EBF1: variants seen among roughly 807,000 people sequenced by gnomAD.
The protein encoded by EBF1 is EBF transcription factor 1.
Under a neutral mutation model 68.4 loss-of-function variants are expected in EBF1, and 10 were observed. The ratio of observed to expected loss-of-function variants is 0.15; its 90% confidence interval spans 0.09 to 0.25. The LOEUF is 0.25. Among genes scored for constraint, EBF1 ranks in the 10% least tolerant of loss-of-function variants. The pLI is 1.00. For missense variants in EBF1, 509 were observed against 794.4 expected (o/e 0.64, Z 4.32); for synonymous variants, 298 against 299.8 (o/e 0.99, Z 0.06).
chr5:158,987,855 T>G (rs886593051), intron 6 of EBF1, among the ~76,000 whole-genome samples: 7 of 152,316 alleles, frequency 4.6e-5, no homozygotes, highest in Middle Eastern at 3.4e-3. Flanking sequence ...CAAGGCTAGA[T>G]AGTAAAATAT....
At chr5:158,887,431 A>C (rs1699438322) in intron 6 of EBF1, among the ~76,000 whole-genome samples, 1 of 152,230 alleles carries the variant, frequency 6.6e-6, no homozygotes, top group Non-Finnish European at 1.5e-5. Flanking sequence ...CAGCCATTGT[A>C]GAAAACAACT....
intron 6 of EBF1, among the ~76,000 whole-genome samples, chr5:158,974,911 C>T (rs1183639892): frequency 1.3e-5 from 2 of 152,206 alleles, no homozygotes; most frequent in African/African-American, 2.4e-5. Context: ...ATGCACCTCT[C>T]TGTCCTGCCC....
At chr5:159,083,876 C>T (rs1780154437) in intron 5 of EBF1, among the ~76,000 whole-genome samples, 2 of 152,240 alleles carry the variant, frequency 1.3e-5, no homozygotes, top group Non-Finnish European at 2.9e-5. Flanking sequence ...GCTGGTGTTA[C>T]TTTATGCAGA....
chr5:158,735,083 G>T (rs956882715), intron 10 of EBF1, among the ~76,000 whole-genome samples: 33 of 152,170 alleles, frequency 2.2e-4, no homozygotes, highest in Admixed American at 2.2e-3. Flanking sequence ...TGCTCAAGAA[G>T]AGGGGGTGGC....
intron 6 of EBF1, among the ~76,000 whole-genome samples, chr5:158,951,512 A>T (rs912435709): frequency 6.6e-6 from 1 of 152,184 alleles, no homozygotes; most frequent in Non-Finnish European, 1.5e-5. Context: ...TAATTCCCCA[A>T]TCTCTGATAA....
intron 6 of EBF1, among the ~76,000 whole-genome samples, chr5:158,896,949 T>C (rs1316337273): frequency 6.6e-6 from 1 of 152,108 alleles, no homozygotes; most frequent in East Asian, 1.9e-4. Flanking sequence ...AGCTAAATAG[T>C]AATGGAGGTA....
At chr5:158,724,502 A>T (rs1219073188) in intron 11 of EBF1, among the ~76,000 whole-genome samples, 1 of 152,344 alleles carries the variant, frequency 6.6e-6, no homozygotes, top group African/African-American at 2.4e-5. Flanking sequence ...GCAGGTTTTG[A>T]ATTACTGATA....
chr5:159,007,775 A>AT lies in EBF1; in HGVS notation c.554+65620dup, dbSNP rs35070920. Among the ~76,000 whole-genome samples, 193 of 150,184 alleles carry AT rather than the reference A, an allele frequency of 1.3e-3. 1 individual carries two copies. Among genetic ancestry groups the AT allele is most frequent in the African/African-American group, 3.4e-3 (140 of 41,012 alleles). On this transcript the variant is annotated intron_variant, in intron 6 of 15. Coordinates refer to ENST00000313708, the MANE Select transcript of EBF1 (RefSeq NM_024007.5). ...CCCTCCACCAAAATGCACAGTTCCA[A>AT]TTTTTTTTTTCAAAAATAGGAGTTC... is the stretch of plus-strand genomic sequence containing the variant.
At chr5:158,978,871 C>T (rs1363401452) in intron 6 of EBF1, among the ~76,000 whole-genome samples, 1 of 150,694 alleles carries the variant, frequency 6.6e-6, no homozygotes, top group East Asian at 2.0e-4. Context: ...TGGGAAAGAA[C>T]AAGCACTAGG....
chr5:158,827,224 T>C (rs535654731), intron 7 of EBF1, among the ~76,000 whole-genome samples: 2 of 152,342 alleles, frequency 1.3e-5, no homozygotes, highest in South Asian at 4.1e-4. Flanking sequence ...AGTATCTTAA[T>C]GACCGTAAAG....
intron 9 of EBF1, among the ~76,000 whole-genome samples, chr5:158,792,110 C>T (rs1333088456): frequency 2.6e-5 from 4 of 152,190 alleles, no homozygotes; most frequent in Admixed American, 1.3e-4. Flanking sequence ...TTAAACATCA[C>T]ACATCAACCC....
intron 6 of EBF1, among the ~76,000 whole-genome samples, chr5:158,936,370 G>A (rs1209925398): frequency 6.6e-6 from 1 of 152,192 alleles, no homozygotes; most frequent in Non-Finnish European, 1.5e-5. Context: ...TGTGACTTCA[G>A]GTTCAGGTTT....
rs561249146 is a variant in EBF1 at position 158,995,799 on chromosome 5, A to G, written c.554+77597T>C. On this transcript the variant is annotated intron_variant, in intron 6 of 15. Transcript: ENST00000313708. The stretch of plus-strand genomic sequence containing the variant: ...TTCATATCACAGTGCACTCTGTGCT[A>G]CTCCACCTATGGGGAGGGTGGCCCT... Among the ~76,000 whole-genome samples the G allele has an allele frequency of 1.3e-5, 2 of 152,080 alleles. 1 individual carries two copies. Among genetic ancestry groups the G allele is most frequent in the Admixed American group, 1.3e-4 (2 of 15,268 alleles).
intron 6 of EBF1, among the ~76,000 whole-genome samples, chr5:158,901,189 C>T (rs1423295862): frequency 6.6e-6 from 1 of 152,196 alleles, no homozygotes; most frequent in African/African-American, 2.4e-5. Context: ...AATTCTTTCT[C>T]TCTCTCATAC....
chr5:158,975,456 A>G (rs956468874), intron 6 of EBF1, among the ~76,000 whole-genome samples: 1 of 152,208 alleles, frequency 6.6e-6, no homozygotes, highest in African/African-American at 2.4e-5. Context: ...GTGTCTTCAT[A>G]TATTTTCCAA....
At chr5:158,896,804 A>C (rs983428095) in intron 6 of EBF1, among the ~76,000 whole-genome samples, 8 of 152,204 alleles carry the variant, frequency 5.3e-5, no homozygotes, top group Non-Finnish European at 1.2e-4. Context: ...AAATACCCAA[A>C]GAATTTCCAC....
chr5:158,885,306 G>A (rs574117468), intron 6 of EBF1, among the ~76,000 whole-genome samples: 3 of 152,334 alleles, frequency 2.0e-5, no homozygotes, highest in African/African-American at 7.2e-5. Flanking sequence ...CACATAAAAG[G>A]AAAGGGGAAC....
intron 7 of EBF1, among the ~76,000 whole-genome samples, chr5:158,828,958 C>T (rs1460552346): frequency 6.6e-6 from 1 of 152,048 alleles, no homozygotes; most frequent in Non-Finnish European, 1.5e-5. Flanking sequence ...CTGTATGATT[C>T]CAACTATACG....
intron 6 of EBF1, among the ~76,000 whole-genome samples, chr5:158,864,524 G>A (rs1476227744): frequency 6.6e-6 from 1 of 152,090 alleles, no homozygotes; most frequent in Non-Finnish European, 1.5e-5. Context: ...TTCTATGCCT[G>A]TTCTGGTTGC....
Sources: allele counts gnomAD v4.1 joint callset (sites outside exome capture counted in the v4.1 genomes callset), GRCh38; gene constraint gnomAD v4.1.1; transcripts MANE v1.5; gene names NCBI Gene and HGNC (gene_info 2026-07-23, HGNC 2026-07-21).